The following PDE1C variants were observed in gnomAD, a reference collection of about 807,000 sequenced individuals.
The protein encoded by PDE1C is dual specificity calcium/calmodulin-dependent 3',5'-cyclic nucleotide phosphodiesterase 1C.
In PDE1C, 62 loss-of-function variants were observed where a neutral mutation model predicts 93.1. The observed-to-expected ratio is 0.67, with a 90% CI of 0.54 to 0.82. The LOEUF (loss-of-function observed/expected upper bound fraction) is 0.82, where lower values mean the gene tolerates loss of function less well. Among genes scored for constraint, PDE1C ranks in the 40% least tolerant of loss-of-function variants. The pLI, the probability that PDE1C is intolerant of heterozygous loss-of-function variation, is 0.00. For synonymous variants in PDE1C, 325 were observed against 310.1 expected (o/e 1.05, Z -0.50); for missense variants, 742 against 884.6 (o/e 0.84, Z 2.04).
At chr7:31,926,205 T>A (rs559990512) in intron 2 of PDE1C, among the ~76,000 whole-genome samples, 1 of 152,168 alleles carries the variant, frequency 6.6e-6, no homozygotes, top group African/African-American at 2.4e-5. Flanking sequence ...CAACTGTGTG[T>A]CCTGAAACGA....
chr7:32,128,016 G>A (rs1014027262), intron 3 of PDE1C, among the ~76,000 whole-genome samples: 3 of 151,740 alleles, frequency 2.0e-5, no homozygotes, highest in Admixed American at 6.6e-5. Context: ...TACTAATGTA[G>A]GACAAATCAG....
chr7:31,890,322 C>T (rs1384084190), intron 2 of PDE1C, among the ~76,000 whole-genome samples: 1 of 152,178 alleles, frequency 6.6e-6, no homozygotes, highest in Non-Finnish European at 1.5e-5. Flanking sequence ...AAACATGCCA[C>T]TTCAACATCT....
intron 9 of PDE1C, 26 bp downstream of exon 9, chr7:31,847,942 A>C (rs775504918): frequency 3.1e-6 from 5 of 1,611,252 alleles, no homozygotes; most frequent in Non-Finnish European, 4.2e-6. Flanking sequence ...CCTGGCCTAC[A>C]AATCTCTCTC....
At chr7:32,150,113 C>T (rs1801148387) in intron 3 of PDE1C, among the ~76,000 whole-genome samples, 1 of 152,208 alleles carries the variant, frequency 6.6e-6, no homozygotes, top group African/African-American at 2.4e-5. Flanking sequence ...CTCTGCAGAA[C>T]TGACTCCCAG....
At chr7:31,837,805 C>T in intron 10 of PDE1C, 65 bp downstream of exon 10, 1 of 972,142 alleles carries the variant, frequency 1.0e-6, no homozygotes, top group Non-Finnish European at 1.7e-6. Context: ...AAAGGGATAG[C>T]CACATAGACG....
At chr7:32,029,543 C>T (rs1044208756) in intron 2 of PDE1C, among the ~76,000 whole-genome samples, 1 of 149,728 alleles carries the variant, frequency 6.7e-6, no homozygotes, top group Admixed American at 6.7e-5. Flanking sequence ...CTAGGGTCTG[C>T]AACAAGAGTG....
intron 1 of PDE1C, among the ~76,000 whole-genome samples, chr7:32,217,949 G>A (rs759603680): frequency 5.3e-5 from 8 of 152,168 alleles, no homozygotes; most frequent in Admixed American, 1.3e-4. Context: ...AATTGCCTGG[G>A]ATGAAATAAC....
At chr7:32,185,050 G>A (rs973275841) in intron 2 of PDE1C, among the ~76,000 whole-genome samples, 13 of 152,034 alleles carry the variant, frequency 8.6e-5, no homozygotes, top group African/African-American at 3.1e-4. Flanking sequence ...GGCAGAGGTT[G>A]TGGTGAGTCG....
chr7:31,722,827 A>G, the PDE1C span, among the ~76,000 whole-genome samples: 1 of 152,092 alleles, frequency 6.6e-6, no homozygotes, highest in Non-Finnish European at 1.5e-5. Flanking sequence ...TTAAATTAGG[A>G]AAGTTCTCAG....
chr7:32,393,030 C>T (rs1010442518), intron 1 of PDE1C, among the ~76,000 whole-genome samples: 2 of 108,188 alleles, frequency 1.8e-5, no homozygotes, highest in African/African-American at 7.4e-5. Context: ...GCCTGGGCAA[C>T]AGAGCGAGAC....
chr7:32,274,887 A>C (rs1286689232), intron 1 of PDE1C, among the ~76,000 whole-genome samples: 1 of 152,224 alleles, frequency 6.6e-6, no homozygotes. Flanking sequence ...ATGGTTCATA[A>C]AACAAGGACA....
intron 16 of PDE1C, among the ~76,000 whole-genome samples, chr7:31,798,277 A>T (rs946614274): frequency 5.3e-5 from 8 of 151,692 alleles, no homozygotes; most frequent in African/African-American, 1.9e-4. Context: ...CAGCATAATC[A>T]ACTCTTCCTT....
At chr7:32,200,664 G>A (rs1363623014) in intron 2 of PDE1C, among the ~76,000 whole-genome samples, 1 of 152,158 alleles carries the variant, frequency 6.6e-6, no homozygotes, top group Non-Finnish European at 1.5e-5. Flanking sequence ...TTTCCTCACA[G>A]TATTATGGCA....
At chr7:31,800,774 A>ATTGGT (rs1785907352) in intron 16 of PDE1C, among the ~76,000 whole-genome samples, 1 of 151,422 alleles carries the variant, frequency 6.6e-6, no homozygotes, top group South Asian at 2.1e-4. Flanking sequence ...TACCAAAAAA[A>ATTGGT]AGCATACTAG....
chr7:31,920,532 G>C (rs1230070479), intron 2 of PDE1C, among the ~76,000 whole-genome samples: 1 of 151,840 alleles, frequency 6.6e-6, no homozygotes, highest in Non-Finnish European at 1.5e-5. Flanking sequence ...TGATCTCAGG[G>C]TATAGCCACC....
chr7:32,308,753 C>T (rs11764637), intron 1 of PDE1C, among the ~76,000 whole-genome samples: 4,019 of 152,286 alleles, frequency 0.026, 61 homozygotes, highest in Non-Finnish European at 0.037. Context: ...TTCTGTACGT[C>T]ACCATCATCA....
At chr7:32,400,633 A>G (rs999925750) in intron 1 of PDE1C, among the ~76,000 whole-genome samples, 1 of 152,212 alleles carries the variant, frequency 6.6e-6, no homozygotes, top group Non-Finnish European at 1.5e-5. Flanking sequence ...CAGAGTTCAC[A>G]TTGGAAAACA....
the PDE1C span, among the ~76,000 whole-genome samples, chr7:31,698,272 C>A: frequency 6.6e-6 from 1 of 152,120 alleles, no homozygotes; most frequent in Non-Finnish European, 1.5e-5. Context: ...GCTTAAGATC[C>A]CCAGCCACAT....
chr7:32,163,264 C>T (rs956934380), intron 3 of PDE1C, among the ~76,000 whole-genome samples: 19 of 152,108 alleles, frequency 1.2e-4, no homozygotes, highest in African/African-American at 4.1e-4. Flanking sequence ...CTCCAGGGGA[C>T]GCTACCCCAC....
Sources: gnomAD v4.1 joint callset for allele counts (sites outside exome capture counted in the v4.1 genomes callset) on GRCh38, gnomAD v4.1.1 for gene constraint, MANE v1.5 for transcripts, NCBI Gene and HGNC (gene_info 2026-07-23, HGNC 2026-07-21) for gene names.